CABIN1: variants seen among roughly 807,000 people sequenced by gnomAD.
CABIN1 encodes calcineurin binding protein 1, also known as calcineurin-binding protein cabin-1.
In CABIN1, 133 loss-of-function variants were observed where a neutral mutation model predicts 227.7. The ratio of observed to expected loss-of-function variants is 0.58; its 90% CI spans 0.51 to 0.67. CABIN1 has a LOEUF of 0.67. CABIN1 is among the 30% of genes least tolerant of loss of function. The probability of loss-of-function intolerance (pLI) is 0.00; values close to 1 mark genes in which losing one functional copy is unlikely to be tolerated. For missense variants in CABIN1, 2,408 were observed against 2,852.5 expected, an observed-to-expected ratio of 0.84 and a Z score of 3.55; for synonymous variants, 1,086 against 1,155.1, an observed-to-expected ratio of 0.94 and a Z score of 1.21.
At position 24,060,126 on chromosome 22, in the gene CABIN1, C is replaced by A. The variant is rs1196725327; in HGVS notation, c.1602C>A (p.Ser534Arg). 6.8e-6 allele frequency: 11 copies of A among 1,613,622 alleles called. No homozygotes were observed. The highest frequency in any genetic ancestry group is 8.5e-6 in the Non-Finnish European group (10 of 1,179,980). Residue 534 changes from serine (S) to arginine (R), a missense_variant, in exon 12 of 37, where the codon AGC becomes AGA. By Grantham distance (110) the Ser-to-Arg change is moderately radical. This residue lies in a region of CABIN1 where 1,045 missense variants were observed against 1,168.4 expected (regional missense o/e 0.89). Coordinates refer to ENST00000263119, the MANE Select transcript of CABIN1 (RefSeq NM_012295.4). ...SLPNPLLRDC[S>R]NKHIKDMMLM... ...CCAACCCGCTGCTGAGGGACTGCAG[C>A]AACAAGCACATCAAGGTTAGGGGGA...
chr22:24,144,295 G>A (rs1174989874), intron 29 of CABIN1, among the ~76,000 whole-genome samples: 2 of 152,236 alleles, frequency 1.3e-5, no homozygotes, highest in Non-Finnish European at 2.9e-5. Flanking sequence ...GTGTCAGACT[G>A]TGTCCTTGCT....
At chr22:24,041,087 C>T (rs1419703155) in intron 4 of CABIN1, 52 bp from the exon 5 acceptor site, 1 of 1,612,752 alleles carries the variant, frequency 6.2e-7, no homozygotes, top group Non-Finnish European at 8.5e-7. Flanking sequence ...CTGCTGGCTG[C>T]TTGCTGAGGC....
chr22:24,053,295 C>T (rs1431702158), intron 8 of CABIN1, among the ~76,000 whole-genome samples: 1 of 151,902 alleles, frequency 6.6e-6, no homozygotes, highest in Non-Finnish European at 1.5e-5. Context: ...CCAGGATGGT[C>T]TCGATCTCCT....
intron 18 of CABIN1, among the ~76,000 whole-genome samples, chr22:24,075,489 T>G (rs981523504): frequency 1.3e-5 from 2 of 152,224 alleles, no homozygotes; most frequent in Non-Finnish European, 2.9e-5. Context: ...CCAGGCGCCA[T>G]GGCTCATGCC....
At chr22:24,030,801 GT>G (rs1263848843) in intron 1 of CABIN1, among the ~76,000 whole-genome samples, 3 of 151,750 alleles carry the variant, frequency 2.0e-5, no homozygotes, top group Admixed American at 2.0e-4. Context: ...GTTCCTCACT[GT>G]TTTTTTTCTC....
chr22:24,045,454 C>CTT (rs201647137), intron 6 of CABIN1, among the ~76,000 whole-genome samples: 3 of 142,294 alleles, frequency 2.1e-5, no homozygotes, highest in Admixed American at 1.4e-4. Flanking sequence ...TTTAAAAATA[C>CTT]TTTTTTTTTT....
chr22:24,031,377 T>C (rs2267051), intron 1 of CABIN1, among the ~76,000 whole-genome samples: 10,677 of 152,258 alleles, frequency 0.07, 391 homozygotes, highest in East Asian at 0.16. Context: ...GTCAAGCTAT[T>C]GTCGCCATTT....
At chr22:24,025,199 C>T (rs949677509) in intron 1 of CABIN1, among the ~76,000 whole-genome samples, 2 of 152,058 alleles carry the variant, frequency 1.3e-5, no homozygotes, top group African/African-American at 2.4e-5. Flanking sequence ...GGGCTGCAGC[C>T]ATCAATTTTT....
intron 28 of CABIN1, among the ~76,000 whole-genome samples, chr22:24,121,898 C>G (rs527291681): frequency 6.6e-6 from 1 of 152,360 alleles, no homozygotes; most frequent in East Asian, 1.9e-4. Flanking sequence ...AGCTCAGACC[C>G]TTCCTCATCC....
chr22:24,161,910 T>C (rs2046178356), intron 29 of CABIN1, among the ~76,000 whole-genome samples: 2 of 152,182 alleles, frequency 1.3e-5, no homozygotes, highest in Admixed American at 1.3e-4. Context: ...CTTGGTTCTC[T>C]AGGAGCTTCA....
chr22:24,043,007 G>A lies in CABIN1; in HGVS notation c.449G>A (p.Gly150Glu). The A allele has an allele frequency of 6.2e-7, 1 of 1,613,986 alleles. No homozygotes were observed. The highest frequency in any genetic ancestry group is 8.5e-7 in the Non-Finnish European group (1 of 1,179,996). The part of the protein sequence containing the change: ...IPLARHAFEE[G>E]LRCNPDHWPC... ...CTGGCTCGCCATGCTTTTGAGGAAG[G>A]GCTGCGGTGCAATCCTGACCACTGG... The change falls in exon 6 of 37, where the codon GGG (glycine) becomes GAG (glutamate). Residue 150 changes from glycine to glutamate, a missense_variant. Transcript: ENST00000263119.
At chr22:24,081,042 A>C (rs559750162) in intron 19 of CABIN1, among the ~76,000 whole-genome samples, 2 of 152,226 alleles carry the variant, frequency 1.3e-5, no homozygotes, top group African/African-American at 4.8e-5. Context: ...CAGGGCTTCC[A>C]TTGCCTCAGA....
intron 26 of CABIN1, among the ~76,000 whole-genome samples, chr22:24,101,048 T>C (rs1236685449): frequency 6.6e-6 from 1 of 152,174 alleles, no homozygotes; most frequent in Non-Finnish European, 1.5e-5. Context: ...GTGGAGGTAG[T>C]GTCCTCTGAA....
chr22:24,143,708 T>G (rs1243131218), intron 29 of CABIN1, among the ~76,000 whole-genome samples: 1 of 152,104 alleles, frequency 6.6e-6, no homozygotes, highest in African/African-American at 2.4e-5. Flanking sequence ...GGGTGCCTCC[T>G]TAGGTGACAT....
At chr22:24,052,989 A>G (rs576385445) in intron 8 of CABIN1, among the ~76,000 whole-genome samples, 3 of 152,006 alleles carry the variant, frequency 2.0e-5, no homozygotes, top group East Asian at 3.9e-4. Flanking sequence ...CAGGAAAAAG[A>G]TAGAAGAAAT....
intron 4 of CABIN1, 111 bp downstream of exon 4, chr22:24,038,572 G>T (rs2037113508): frequency 2.6e-6 from 2 of 774,912 alleles, no homozygotes; most frequent in Admixed American, 1.9e-5. Context: ...GGGGAACCTT[G>T]AAAACATTAT....
At chr22:24,069,714 T>C (rs1399098713) in intron 16 of CABIN1, among the ~76,000 whole-genome samples, 3 of 152,150 alleles carry the variant, frequency 2.0e-5, no homozygotes, top group Non-Finnish European at 4.4e-5. Context: ...CTTTCTCTAA[T>C]GAAACACGGG....
intron 28 of CABIN1, among the ~76,000 whole-genome samples, chr22:24,123,356 C>T (rs1024616666): frequency 6.6e-6 from 1 of 152,200 alleles, no homozygotes; most frequent in Admixed American, 6.5e-5. Flanking sequence ...AGCCACACTG[C>T]CTACCCACAG....
In CABIN1 at chr22:24,062,964, C is replaced by G. The variant is rs369024716; in HGVS notation, c.1702C>G (p.Pro568Ala). 6.2e-7 allele frequency: 1 copy of G among 1,614,026 alleles called. No homozygotes were observed. The highest frequency in any genetic ancestry group is 1.3e-5 in the African/African-American group (1 of 74,922). The change falls in exon 14 of 37, where the codon CCT becomes GCT. Residue 568 changes from proline to alanine, a missense_variant. Coordinates refer to ENST00000263119, the MANE Select transcript of CABIN1 (RefSeq NM_012295.4). ...LTKGRSSAVS[P>A]RNCPAGMVNG... is the part of the protein sequence containing the mutation. Reference sequence around the variant, plus strand: ...GTTGGCCTGATGGTTTTTAGTGTCTCCTCGGAACTGCCCTGCTGGTATGGT... The same window carrying G: ...GTTGGCCTGATGGTTTTTAGTGTCTGCTCGGAACTGCCCTGCTGGTATGGT...
Sources: gnomAD v4.1 joint callset for allele counts (sites outside exome capture counted in the v4.1 genomes callset) on GRCh38, gnomAD v4.1.1 for gene constraint, gnomAD v4.1.1 regional missense constraint, MANE v1.5 for transcripts, NCBI Gene and HGNC (gene_info 2026-07-23, HGNC 2026-07-21) for gene names.